Variants in VRK2 observed in about 807,000 individuals in gnomAD.
The protein encoded by VRK2 is VRK serine/threonine kinase 2, also known as serine/threonine-protein kinase VRK2.
Under a neutral mutation model 57.6 loss-of-function variants are expected in VRK2, and 60 were observed. The observed-to-expected ratio is 1.04, with a 90% CI of 0.85 to 1.29. The LOEUF (loss-of-function observed/expected upper bound fraction) is 1.29. Ranked by LOEUF, VRK2 falls within the 50% of genes most tolerant of loss-of-function variation. VRK2 has a pLI of 0.00. For synonymous variants in VRK2, 231 were observed against 199.2 expected (o/e 1.16, Z -1.35); for missense variants, 705 against 588.1 (o/e 1.20, Z -2.06).
chr2:58,012,997 G>A (rs1335634328), intron 1 of VRK2, among the ~76,000 whole-genome samples: 1 of 152,150 alleles, frequency 6.6e-6, no homozygotes, highest in Non-Finnish European at 1.5e-5. Context: ...TAACTTGGAA[G>A]AAGGAGGCTT....
At chr2:58,050,955 A>T (rs1179146575) in intron 2 of VRK2, among the ~76,000 whole-genome samples, 3 of 151,522 alleles carry the variant, frequency 2.0e-5, no homozygotes, top group Non-Finnish European at 4.4e-5. Context: ...AGCAATTCTC[A>T]TGCCTCAACC....
At chr2:57,945,499 C>T (rs1269420515) in intron 1 of VRK2, among the ~76,000 whole-genome samples, 1 of 152,142 alleles carries the variant, frequency 6.6e-6, no homozygotes, top group African/African-American at 2.4e-5. Context: ...GTTCACCATA[C>T]CTGTAAAGTT....
intron 2 of VRK2, among the ~76,000 whole-genome samples, chr2:58,026,527 G>A (rs59299963): frequency 0.026 from 3,929 of 152,130 alleles, 166 homozygotes; most frequent in African/African-American, 0.09. Context: ...TAGATGAAGC[G>A]TGTCAGTATT....
At chr2:57,939,390 ATAT>A (rs1351996727) in intron 1 of VRK2, among the ~76,000 whole-genome samples, 10 of 152,004 alleles carry the variant, frequency 6.6e-5, no homozygotes, top group African/African-American at 2.4e-4. Context: ...TTCTTCAGTG[ATAT>A]TATTATTCCT....
At chr2:57,940,617 TCAAA>T (rs1671063301) in intron 1 of VRK2, among the ~76,000 whole-genome samples, 2 of 152,084 alleles carry the variant, frequency 1.3e-5, no homozygotes, top group Non-Finnish European at 2.9e-5. Flanking sequence ...GAAAAAAAGG[TCAAA>T]CATTTTCCAG....
chr2:57,941,058 A>G (rs986015169), intron 1 of VRK2, among the ~76,000 whole-genome samples: 3 of 152,186 alleles, frequency 2.0e-5, no homozygotes, highest in Admixed American at 2.0e-4. Context: ...CCTAGAGTAG[A>G]AATTCAACTT....
intron 1 of VRK2, among the ~76,000 whole-genome samples, chr2:57,977,672 G>A (rs1191293157): frequency 2.0e-5 from 3 of 151,206 alleles, no homozygotes; most frequent in African/African-American, 4.9e-5. Flanking sequence ...AAGAGAGATC[G>A]TTTGACTTCC....
chr2:58,053,884 T>A (rs1676117255), intron 2 of VRK2, among the ~76,000 whole-genome samples: 1 of 152,098 alleles, frequency 6.6e-6, no homozygotes, highest in African/African-American at 2.4e-5. Context: ...AATGTGAAAA[T>A]GAGAATAATT....
chr2:57,936,691 T>C (rs1043203006), intron 1 of VRK2, among the ~76,000 whole-genome samples: 1 of 152,122 alleles, frequency 6.6e-6, no homozygotes, highest in Non-Finnish European at 1.5e-5. Flanking sequence ...TATAGTAGAA[T>C]ATGATGTATT....
chr2:58,069,152 T>C (rs1192771408), intron 2 of VRK2, among the ~76,000 whole-genome samples: 1 of 152,178 alleles, frequency 6.6e-6, no homozygotes, highest in Non-Finnish European at 1.5e-5. Context: ...TAACAGAGAA[T>C]ACTGATATTT....
intron 1 of VRK2, among the ~76,000 whole-genome samples, chr2:58,002,121 G>A (rs1388219100): frequency 6.6e-6 from 1 of 152,124 alleles, no homozygotes; most frequent in African/African-American, 2.4e-5. Context: ...AAATATAATA[G>A]AGAATAATAT....
At chr2:57,970,304 G>T (rs1373092402) in intron 1 of VRK2, among the ~76,000 whole-genome samples, 2 of 150,676 alleles carry the variant, frequency 1.3e-5, no homozygotes, top group African/African-American at 4.9e-5. Context: ...TTTCTGAAAT[G>T]GACATTTTCT....
chr2:57,925,150 A>G (rs1256384554), intron 1 of VRK2, among the ~76,000 whole-genome samples: 1 of 152,036 alleles, frequency 6.6e-6, no homozygotes, highest in Non-Finnish European at 1.5e-5. Context: ...TTCATCAGAA[A>G]TATTGGCTGG....
chr2:58,092,299 T>A (rs908660429), intron 7 of VRK2, among the ~76,000 whole-genome samples: 4 of 152,192 alleles, frequency 2.6e-5, no homozygotes, highest in African/African-American at 9.7e-5. Flanking sequence ...TTGGGTCTGT[T>A]TTCCTTCACT....
At chr2:58,027,696 AAT>A (rs1558547818) in intron 2 of VRK2, among the ~76,000 whole-genome samples, 3 of 152,186 alleles carry the variant, frequency 2.0e-5, no homozygotes, top group African/African-American at 7.2e-5. Flanking sequence ...TAAAGATAGA[AAT>A]AATGACATAA....
rs541817636 is a variant in VRK2 at position 57,991,272 on chromosome 2, G to A, written c.-438-34393G>A. Reference sequence around the variant, plus strand: ...TAAATATTCACTATGATTTTATATCGTAATGTGGTAGCAGTTACATTATTT... The same window carrying A: ...TAAATATTCACTATGATTTTATATCATAATGTGGTAGCAGTTACATTATTT... On this transcript the variant is annotated intron_variant, in intron 1 of 15. Transcript: ENST00000417641. 1.9e-4 allele frequency among the ~76,000 whole-genome samples: 29 copies of A among 151,640 alleles called. No homozygotes were observed. In the East Asian group the frequency reaches 3.7e-3, roughly 19 times the overall value.
chr2:57,910,189 C>A (rs1669944189), intron 1 of VRK2, among the ~76,000 whole-genome samples: 1 of 151,984 alleles, frequency 6.6e-6, no homozygotes, highest in Non-Finnish European at 1.5e-5. Context: ...GCTATTCCTA[C>A]ATGGCTGCCT....
chr2:57,992,568 C>T (rs891456905), intron 1 of VRK2, among the ~76,000 whole-genome samples: 11 of 151,908 alleles, frequency 7.2e-5, no homozygotes, highest in African/African-American at 2.7e-4. Flanking sequence ...CTCGCTCTGT[C>T]GCCCAGGCCG....
intron 1 of VRK2, among the ~76,000 whole-genome samples, chr2:58,022,371 C>G (rs1473904649): frequency 6.6e-6 from 1 of 152,148 alleles, no homozygotes; most frequent in African/African-American, 2.4e-5. Flanking sequence ...GGATACATTG[C>G]CTAGAGTTCA....
Sources: gnomAD v4.1 joint callset for allele counts (sites outside exome capture counted in the v4.1 genomes callset) on GRCh38, gnomAD v4.1.1 for gene constraint, MANE v1.5 for transcripts, NCBI Gene and HGNC (gene_info 2026-07-23, HGNC 2026-07-21) for gene names.